The following PRKN variants were observed in gnomAD, a reference collection of about 807,000 sequenced individuals.
PRKN encodes E3 ubiquitin-protein ligase parkin.
In PRKN, 56 loss-of-function variants were observed where a neutral mutation model predicts 59.5. That is an observed-to-expected ratio of 0.94 (90% CI 0.76 to 1.18). PRKN has a LOEUF of 1.18. PRKN is among the 50% of genes most tolerant of loss of function. The pLI is 0.00. For synonymous variants in PRKN, 250 were observed against 222.1 expected (o/e 1.13, Z -1.12); for missense variants, 657 against 596.4 (o/e 1.10, Z -1.06).
chr6:162,696,229 A>G (rs1225476184), intron 1 of PRKN, among the ~76,000 whole-genome samples: 1 of 152,168 alleles, frequency 6.6e-6, no homozygotes, highest in Non-Finnish European at 1.5e-5. Context: ...AGGAAAATAT[A>G]ATTAGAATGC....
intron 7 of PRKN, among the ~76,000 whole-genome samples, chr6:161,601,585 A>ATT (rs200244232): frequency 4.3e-4 from 60 of 140,826 alleles, no homozygotes; most frequent in Admixed American, 1.1e-3. Flanking sequence ...AATATAGTGG[A>ATT]TTTTTTTTTT....
intron 2 of PRKN, among the ~76,000 whole-genome samples, chr6:162,406,650 T>G (rs1404302853): frequency 6.6e-6 from 1 of 152,178 alleles, no homozygotes; most frequent in East Asian, 1.9e-4. Context: ...GTCAAGAGTC[T>G]AATCATTACC....
chr6:161,743,383 CT>C (rs1000821546), intron 7 of PRKN, among the ~76,000 whole-genome samples: 14 of 110,420 alleles, frequency 1.3e-4, no homozygotes, highest in Middle Eastern at 5.1e-3. Flanking sequence ...CCACATCCAG[CT>C]TTTTTATTTA....
At chr6:162,422,954 CAAA>C (rs61557917) in intron 2 of PRKN, among the ~76,000 whole-genome samples, 9 of 65,700 alleles carry the variant, frequency 1.4e-4, no homozygotes, top group African/African-American at 4.3e-4. Flanking sequence ...TCCAAGAGAC[CAAA>C]AAAAAAAAAA....
intron 1 of PRKN, among the ~76,000 whole-genome samples, chr6:162,573,458 G>C (rs1780433962): frequency 1.3e-5 from 2 of 152,128 alleles, no homozygotes; most frequent in South Asian, 4.1e-4. Flanking sequence ...TCCATCCTTT[G>C]AAACCTCCTC....
At chr6:161,650,769 G>A (rs1210533803) in intron 7 of PRKN, among the ~76,000 whole-genome samples, 1 of 152,214 alleles carries the variant, frequency 6.6e-6, no homozygotes, top group African/African-American at 2.4e-5. Context: ...CTGGCATGGT[G>A]TCTGGTCTTG....
At chr6:162,240,211 A>G (rs1778924985) in intron 3 of PRKN, among the ~76,000 whole-genome samples, 2 of 152,196 alleles carry the variant, frequency 1.3e-5, no homozygotes, top group Admixed American at 6.5e-5. Flanking sequence ...CCAGAGAAAA[A>G]CAATTAAAAA....
At chr6:161,757,832 C>CCTCTCT (rs1788993273) in intron 7 of PRKN, among the ~76,000 whole-genome samples, 1 of 32,846 alleles carries the variant, frequency 3.0e-5, no homozygotes, top group African/African-American at 1.3e-4. Flanking sequence ...AGCAAAACTC[C>CCTCTCT]ATCTCTCTCT....
intron 4 of PRKN, among the ~76,000 whole-genome samples, chr6:162,096,653 C>T (rs1322205948): frequency 2.0e-5 from 3 of 152,028 alleles, no homozygotes; most frequent in African/African-American, 7.2e-5. Context: ...TAAGGGGTTT[C>T]CCCTTTCGCT....
At chr6:161,977,490 C>T (rs1399077199) in intron 5 of PRKN, among the ~76,000 whole-genome samples, 1 of 148,270 alleles carries the variant, frequency 6.7e-6, no homozygotes, top group African/African-American at 2.5e-5. Flanking sequence ...ATAAGCAAAT[C>T]TGCCTTTTGA....
At chr6:161,886,410 T>G (rs192675937) in intron 6 of PRKN, among the ~76,000 whole-genome samples, 1 of 152,266 alleles carries the variant, frequency 6.6e-6, no homozygotes, top group Admixed American at 6.5e-5. Context: ...CAAGAATATT[T>G]AATAGGCTGG....
chr6:162,029,466 G>A (rs1395216200), intron 5 of PRKN, among the ~76,000 whole-genome samples: 1 of 152,172 alleles, frequency 6.6e-6, no homozygotes, highest in African/African-American at 2.4e-5. Flanking sequence ...AGGAGGTAAT[G>A]TGTGGGGAAA....
At chr6:162,150,893 A>C (rs980391505) in intron 4 of PRKN, among the ~76,000 whole-genome samples, 3 of 151,974 alleles carry the variant, frequency 2.0e-5, no homozygotes, top group African/African-American at 7.3e-5. Context: ...CAATTATTGA[A>C]CCTCAATTCA....
chr6:162,520,809 A>C (rs1452154091), intron 1 of PRKN, among the ~76,000 whole-genome samples: 4 of 152,096 alleles, frequency 2.6e-5, no homozygotes, highest in Non-Finnish European at 4.4e-5. Context: ...TAAAAAAAAA[A>C]AGATTAAGAG....
chr6:161,528,119 T>A (rs957290756), intron 9 of PRKN, among the ~76,000 whole-genome samples: 6 of 152,196 alleles, frequency 3.9e-5, no homozygotes, highest in African/African-American at 1.4e-4. Flanking sequence ...AAAATGTCAC[T>A]GTTAAAGTAA....
intron 2 of PRKN, among the ~76,000 whole-genome samples, chr6:162,396,805 T>C (rs1787500115): frequency 6.6e-6 from 1 of 152,192 alleles, no homozygotes; most frequent in South Asian, 2.1e-4. Flanking sequence ...ACTGTGTTTT[T>C]ACCTGCCCAG....
intron 4 of PRKN, among the ~76,000 whole-genome samples, chr6:162,166,794 C>T (rs1235628542): frequency 6.6e-6 from 1 of 152,124 alleles, no homozygotes; most frequent in Non-Finnish European, 1.5e-5. Context: ...GCTCTAGCTT[C>T]CCATTCTCTG....
chr6:162,061,411 G>A (rs1778100230), intron 4 of PRKN, among the ~76,000 whole-genome samples: 1 of 152,192 alleles, frequency 6.6e-6, no homozygotes, highest in African/African-American at 2.4e-5. Context: ...TAAAAACTGA[G>A]CAGTAAGAAG....
chr6:161,380,426 CTTTTTTTTTTT>C (rs977152868), intron 10 of PRKN, among the ~76,000 whole-genome samples: 7 of 117,958 alleles, frequency 5.9e-5, no homozygotes, highest in East Asian at 2.3e-4. Context: ...CCAAGTCTAT[CTTTTTTTTTTT>C]TTTTTTTTTT....
Sources: gnomAD v4.1 joint callset for allele counts (sites outside exome capture counted in the v4.1 genomes callset) on GRCh38, gnomAD v4.1.1 for gene constraint, MANE v1.5 for transcripts, NCBI Gene and HGNC (gene_info 2026-07-23, HGNC 2026-07-21) for gene names.